The following MME variants were observed in gnomAD, a reference collection of about 807,000 sequenced individuals.
MME encodes the protein membrane metalloendopeptidase.
A neutral mutation model predicts 113.2 loss-of-function variants in MME; 98 were observed. The observed-to-expected ratio is 0.87, with a 90% CI of 0.74 to 1.02. The LOEUF (loss-of-function observed/expected upper bound fraction) is 1.02, where lower values mean the gene tolerates loss of function less well. Among genes scored for constraint, MME ranks in the 50% least tolerant of loss-of-function variants. The probability of loss-of-function intolerance (pLI) is 0.00; values close to 1 mark genes in which losing one functional copy is unlikely to be tolerated. For missense variants in MME, 836 were observed against 896.0 expected (o/e 0.93, Z 0.86); for synonymous variants, 292 against 300.6 (o/e 0.97, Z 0.30).
intron 16 of MME, among the ~76,000 whole-genome samples, chr3:155,157,188 G>A (rs2108344512): frequency 6.6e-6 from 1 of 152,072 alleles, no homozygotes; most frequent in Non-Finnish European, 1.5e-5. Flanking sequence ...AAGCTTACCT[G>A]ACAAAATTAC....
At chr3:155,061,266 C>T (rs1418799429) in intron 1 of MME, among the ~76,000 whole-genome samples, 1 of 152,010 alleles carries the variant, frequency 6.6e-6, no homozygotes, top group South Asian at 2.1e-4. Context: ...TCCTGGCTAA[C>T]ATGGTGAAAC....
intron 8 of MME, among the ~76,000 whole-genome samples, chr3:155,125,970 A>AT (rs1719617535): frequency 6.6e-6 from 1 of 152,196 alleles, no homozygotes; most frequent in South Asian, 2.1e-4. Context: ...CTAGCTAAAT[A>AT]TGTTTATGAT....
At chr3:155,101,149 A>C (rs1173210888) in intron 3 of MME, among the ~76,000 whole-genome samples, 1 of 152,028 alleles carries the variant, frequency 6.6e-6, no homozygotes, top group African/African-American at 2.4e-5. Context: ...GTTCTCTCAT[A>C]AGTAAAAGCT....
rs1202566219 is a variant in MME at position 155,180,659 on chromosome 3, T to A, written c.*200T>A. The A allele has an allele frequency of 1.7e-6, 1 of 583,884 alleles. No homozygotes were observed. The highest frequency in any genetic ancestry group is 3.1e-6 in the Non-Finnish European group (1 of 320,782). 36.2% of individuals were successfully genotyped at this position (583,884 alleles called of 1,614,324 possible). A position where few individuals can be genotyped will look rare whatever the true frequency, so the allele number is the denominator to read the frequency against. On this transcript the variant is annotated 3_prime_UTR_variant, in exon 23 of 23. Coordinates refer to ENST00000360490, the MANE Select transcript of MME (RefSeq NM_007289.4). ...AGGGAGGAAGGGGGTCTAAGGTCTA[T>A]CAAGTCAATCATTTCTCACTGTGTA...
At chr3:155,090,390 G>C (rs2108188211) in intron 3 of MME, 1 of 152,058 alleles carries the variant, frequency 6.6e-6, no homozygotes, top group African/African-American at 2.4e-5. Context: ...TCTGACACTG[G>C]ACTGAACCCT....
intron 1 of MME, among the ~76,000 whole-genome samples, chr3:155,063,668 A>AT (rs1714268405): frequency 9.0e-6 from 1 of 111,392 alleles, no homozygotes; most frequent in African/African-American, 3.5e-5. Context: ...ATAACATATT[A>AT]TATATTATAT....
At chr3:155,100,253 A>T (rs1335031814) in intron 3 of MME, among the ~76,000 whole-genome samples, 1 of 152,248 alleles carries the variant, frequency 6.6e-6, no homozygotes, top group Non-Finnish European at 1.5e-5. Flanking sequence ...ATATGAACAG[A>T]CACTTCTCAA....
intron 17 of MME, among the ~76,000 whole-genome samples, chr3:155,162,694 A>C (rs1246513573): frequency 6.6e-6 from 1 of 152,044 alleles, no homozygotes; most frequent in Non-Finnish European, 1.5e-5. Flanking sequence ...TGAAGAGTCA[A>C]ATCTCCATCT....
chr3:155,076,362 A>G (rs540689660), upstream of MME, among the ~76,000 whole-genome samples: 1 of 152,300 alleles, frequency 6.6e-6, no homozygotes, highest in African/African-American at 2.4e-5. Flanking sequence ...GCCCTGGACT[A>G]CACTTTGTAT....
intron 1 of MME, among the ~76,000 whole-genome samples, chr3:155,038,545 T>A (rs777656408): frequency 2.6e-5 from 4 of 152,172 alleles, no homozygotes; most frequent in Admixed American, 6.5e-5. Flanking sequence ...AACTAGACTT[T>A]AATAATTGGA....
intron 3 of MME, among the ~76,000 whole-genome samples, chr3:155,110,567 A>T (rs1355653913): frequency 6.6e-6 from 1 of 152,184 alleles, no homozygotes; most frequent in Non-Finnish European, 1.5e-5. Flanking sequence ...TTAGAAAGAA[A>T]ATGGTGTCAT....
At chr3:155,133,065 AT>A (rs1207504583) in intron 8 of MME, among the ~76,000 whole-genome samples, 6 of 106,306 alleles carry the variant, frequency 5.6e-5, no homozygotes, top group Non-Finnish European at 8.1e-5. Context: ...AAAAAAAAAT[AT>A]ATATATATAT....
chr3:155,155,607 T>C (rs1420665123), intron 16 of MME, among the ~76,000 whole-genome samples: 2 of 152,204 alleles, frequency 1.3e-5, no homozygotes, highest in Non-Finnish European at 2.9e-5. Context: ...TATTCTTGCC[T>C]TCATGGAATT....
At chr3:155,074,183 A>G (rs986271375) in intron 1 of MME, among the ~76,000 whole-genome samples, 1 of 151,998 alleles carries the variant, frequency 6.6e-6, no homozygotes, top group African/African-American at 2.4e-5. Context: ...TACTGCATTC[A>G]GTTTACTTTC....
chr3:155,152,963 C>A (rs1352375054), intron 16 of MME, among the ~76,000 whole-genome samples: 1 of 151,766 alleles, frequency 6.6e-6, no homozygotes, highest in Non-Finnish European at 1.5e-5. Flanking sequence ...GTGAGACACC[C>A]AAGTTAATAA....
intron 16 of MME, among the ~76,000 whole-genome samples, chr3:155,149,766 C>T (rs1721787212): frequency 6.6e-6 from 1 of 152,086 alleles, no homozygotes; most frequent in Non-Finnish European, 1.5e-5. Context: ...AATGGAAATG[C>T]CAGTGCATTT....
At chr3:155,077,055 T>A (rs1442720363), upstream of MME, among the ~76,000 whole-genome samples, 1 of 152,122 alleles carries the variant, frequency 6.6e-6, no homozygotes, top group Non-Finnish European at 1.5e-5. Flanking sequence ...TAAGAAGGTC[T>A]CACCTCCTGG....
At chr3:155,087,474 G>A (rs1715865866) in intron 3 of MME, among the ~76,000 whole-genome samples, 1 of 152,082 alleles carries the variant, frequency 6.6e-6, no homozygotes, top group Admixed American at 6.5e-5. Flanking sequence ...CCGTGGTCAT[G>A]TGCAAAAGTC....
chr3:155,060,609 A>G (rs1714100834), intron 1 of MME, among the ~76,000 whole-genome samples: 1 of 152,130 alleles, frequency 6.6e-6, no homozygotes, highest in Non-Finnish European at 1.5e-5. Flanking sequence ...GACAAGATTC[A>G]GGGAGGGTGT....
Sources: allele counts gnomAD v4.1 joint callset (sites outside exome capture counted in the v4.1 genomes callset), GRCh38; gene constraint gnomAD v4.1.1; transcripts MANE v1.5; gene names NCBI Gene and HGNC (gene_info 2026-07-23, HGNC 2026-07-21).